The following TICAM1 variants were observed in gnomAD, a reference collection of about 807,000 sequenced individuals.
TICAM1 encodes TIR domain-containing adapter molecule 1.
For missense variants in TICAM1, 895 were observed against 938.2 expected, an observed-to-expected ratio of 0.95 and a Z score of 0.60; for synonymous variants, 439 against 415.4, an observed-to-expected ratio of 1.06 and a Z score of -0.69.
intron 1 of TICAM1, among the ~76,000 whole-genome samples, chr19:4,820,681 G>A (rs951691954): frequency 5.3e-5 from 8 of 151,434 alleles, no homozygotes; most frequent in African/African-American, 1.7e-4. Context: ...TGGCCAACAT[G>A]GTGAAACCCT....
intron 1 of TICAM1, among the ~76,000 whole-genome samples, chr19:4,830,916 C>T (rs544694010): frequency 9.1e-4 from 138 of 152,210 alleles, no homozygotes; most frequent in Middle Eastern, 3.4e-3. Context: ...CAGGACTGCG[C>T]CTGGTGAGCT....
chr19:4,818,486 T>A lies in TICAM1; in HGVS notation c.-109A>T. ...CCAGTGTCCCCTACCCATTCACTGT[T>A]CCAGGTTCTGCAGGAGCTGCCCAAG... is the stretch of plus-strand genomic sequence containing the variant. On this transcript the variant is annotated 5_prime_UTR_variant, in exon 2 of 2. Transcript: ENST00000248244. This position sits in a 1 kb window ranked among gnomAD's most constrained non-coding sequence, Gnocchi z 4.0. 6.9e-7 allele frequency: 1 copy of A among 1,444,796 alleles called. No individual in the cohort carries two copies. The allele number at this position is 1,444,796 out of a possible 1,614,324, so 89.5% of individuals were successfully genotyped here. A position where few individuals can be genotyped will look rare whatever the true frequency, so the allele number is the denominator to read the frequency against.
chr19:4,829,171 T>A (rs2093610234), intron 1 of TICAM1, among the ~76,000 whole-genome samples: 1 of 152,184 alleles, frequency 6.6e-6, no homozygotes, highest in African/African-American at 2.4e-5. Context: ...GGCACACGCA[T>A]GCCCCACAAA....
intron 1 of TICAM1, among the ~76,000 whole-genome samples, chr19:4,824,420 C>T (rs1036570077): frequency 2.0e-5 from 3 of 150,182 alleles, no homozygotes; most frequent in East Asian, 2.0e-4. Flanking sequence ...CTGCAACCTC[C>T]GCCTCCTGGG....
chr19:4,824,221 C>T (rs1247688829), intron 1 of TICAM1, among the ~76,000 whole-genome samples: 1 of 151,962 alleles, frequency 6.6e-6, no homozygotes, highest in African/African-American at 2.4e-5. Flanking sequence ...GTTGGCCAGG[C>T]TGGTCTTGAA....
intron 1 of TICAM1, among the ~76,000 whole-genome samples, chr19:4,819,770 G>T (rs989412867): frequency 6.6e-6 from 1 of 152,138 alleles, no homozygotes; most frequent in African/African-American, 2.4e-5. Context: ...AGCTACTCAG[G>T]AGGCTGAGGC....
In TICAM1 at chr19:4,816,822, A is replaced by T. The variant is rs772590478; in HGVS notation, c.1556T>A (p.Ile519Asn). Residue 519 changes from isoleucine to asparagine, a missense_variant, in exon 2 of 2, where the codon ATC becomes AAC. By Grantham distance (149) the Ile-to-Asn change is moderately radical. Coordinates refer to ENST00000248244, the MANE Select transcript of TICAM1 (RefSeq NM_182919.4). The surrounding 1 kb of genome is among the most constrained non-coding windows in gnomAD (Gnocchi z 4.3). ...GGTGTTGGCCACCTTCCTGGCGAAGATCTGGGAGTGTTCGTCCAGCCGCAC... is the reference window on the plus strand; with the variant it reads ...GGTGTTGGCCACCTTCCTGGCGAAGTTCTGGGAGTGTTCGTCCAGCCGCAC... ...GLVRLDEHSQ[I>N]FARKVANTFK... The T allele has an allele frequency of 3.1e-6, 5 of 1,612,882 alleles. No homozygotes were observed. Among genetic ancestry groups the T allele is most frequent in the East Asian group, 4.5e-5 (2 of 44,860 alleles).
rs777980938 is a variant in TICAM1, at chr19:4,817,991, G to A, written c.387C>T (p.Asp129=). 23 of 1,612,584 alleles carry A rather than the reference G, an allele frequency of 1.4e-5. No individual in the cohort carries two copies. Among genetic ancestry groups the A allele is most frequent in the Non-Finnish European group, 1.7e-5 (20 of 1,179,818 alleles). ...CCTGAAGTTCCCCCAGCCGGTGGTC[G>A]TCCCTGGAGCTGAGGGTGCGGACGG... The part of the protein sequence containing the change: ...QEAVRTLSSR[D]DHRLGELQDE... The change falls in exon 2 of 2, where the codon GAC becomes GAT. Residue 129 remains aspartate, a synonymous_variant. Coordinates refer to ENST00000248244, the MANE Select transcript of TICAM1 (RefSeq NM_182919.4). The surrounding 1 kb of genome is among the most constrained non-coding windows in gnomAD (Gnocchi z 4.7).
intron 1 of TICAM1, among the ~76,000 whole-genome samples, chr19:4,826,401 T>C (rs947657303): frequency 4.6e-5 from 7 of 152,122 alleles, no homozygotes; most frequent in Non-Finnish European, 1.0e-4. Flanking sequence ...CTCGACTCAC[T>C]GCAACCTCTG....
At chr19:4,829,973 G>A (rs112608739) in intron 1 of TICAM1, among the ~76,000 whole-genome samples, 54 of 151,644 alleles carry the variant, frequency 3.6e-4, no homozygotes, top group African/African-American at 1.2e-3. Context: ...ACCACGCCCC[G>A]CTAATTTTTG....
chr19:4,826,020 G>T (rs1203986702), intron 1 of TICAM1, among the ~76,000 whole-genome samples: 1 of 151,264 alleles, frequency 6.6e-6, no homozygotes, highest in Non-Finnish European at 1.5e-5. Flanking sequence ...AATTAGCTGG[G>T]TGTGGTGGTG....
chr19:4,816,395 TG>T lies in TICAM1; in HGVS notation c.1982del (p.Pro661GlnfsTer31). 1 of 1,572,066 alleles carries T rather than the reference TG, an allele frequency of 6.4e-7. No individual in the cohort carries two copies. The highest frequency in any genetic ancestry group is 8.6e-7 in the Non-Finnish European group (1 of 1,162,496). ...FPQSLPFPQS[P>X]AFPTASPAPP... is the part of the protein sequence containing the mutation. ...GTGCGGGTGAGGCCGTAGGGAAGGC[TG>T]GGGACTGCGGGAAGGGCAGTGACTG... is the stretch of plus-strand genomic sequence containing the variant. On this transcript the variant is annotated frameshift_variant, in exon 2 of 2. Coordinates refer to ENST00000248244, the MANE Select transcript of TICAM1 (RefSeq NM_182919.4). LOFTEE classifies it low-confidence loss of function (END_TRUNC). The surrounding 1 kb of genome is among the most constrained non-coding windows in gnomAD (Gnocchi z 4.3).
chr19:4,827,618 T>A (rs2093607778), intron 1 of TICAM1, among the ~76,000 whole-genome samples: 1 of 150,852 alleles, frequency 6.6e-6, no homozygotes, highest in Admixed American at 6.6e-5. Context: ...ATTAGCCAGG[T>A]GTGGTGGCGG....
chr19:4,827,372 C>CAAAAAAAAAAAAAAAAAAAAAAA (rs57574607), intron 1 of TICAM1, among the ~76,000 whole-genome samples: 3 of 54,174 alleles, frequency 5.5e-5, no homozygotes, highest in African/African-American at 2.0e-4. Flanking sequence ...ACTCTGTCTC[C>CAAAAAAAAAAAAAAAAAAAAAAA]AAAAAAAAAA....
rs2093587274 is a variant in TICAM1 at position 4,817,083 on chromosome 19, T to C, written c.1295A>G (p.Gln432Arg). The change falls in exon 2 of 2, where the codon CAG becomes CGG. Residue 432 changes from glutamine to arginine, a missense_variant. Coordinates refer to ENST00000248244, the MANE Select transcript of TICAM1 (RefSeq NM_182919.4). The surrounding 1 kb of genome is among the most constrained non-coding windows in gnomAD (Gnocchi z 4.7). Reference protein sequence around the residue: ...PDGATFCEDFQVPGRGELSCL... With the variant: ...PDGATFCEDFRVPGRGELSCL... ...GCTCAGCTCCCCGCGCCCCGGCACC[T>C]GGAAATCCTCGCAGAAGGTGGCCCC... The C allele has an allele frequency of 6.2e-7, 1 of 1,613,982 alleles. No homozygotes were observed. The highest frequency in any genetic ancestry group is 8.5e-7 in the Non-Finnish European group (1 of 1,180,004).
chr19:4,825,113 C>G (rs892246914), intron 1 of TICAM1, among the ~76,000 whole-genome samples: 1 of 151,872 alleles, frequency 6.6e-6, no homozygotes, highest in Admixed American at 6.6e-5. Context: ...AACCCCGTTT[C>G]TACTAAAATA....
chr19:4,830,511 C>T (rs1240368017), intron 1 of TICAM1, among the ~76,000 whole-genome samples: 2 of 152,164 alleles, frequency 1.3e-5, no homozygotes, highest in Non-Finnish European at 2.9e-5. Flanking sequence ...CACTCTCCTT[C>T]CCACACTCTC....
At chr19:4,827,491 C>T (rs992066546) in intron 1 of TICAM1, among the ~76,000 whole-genome samples, 1 of 114,082 alleles carries the variant, frequency 8.8e-6, no homozygotes, top group Non-Finnish European at 1.8e-5. Context: ...CGCGGTGGCT[C>T]ACGCCTGTAA....
intron 1 of TICAM1, among the ~76,000 whole-genome samples, chr19:4,828,875 G>A (rs1022718138): frequency 6.6e-6 from 1 of 151,862 alleles, no homozygotes. Context: ...GGTAATTTTT[G>A]TATTTTTAGT....
Sources: gnomAD v4.1 joint callset for allele counts (sites outside exome capture counted in the v4.1 genomes callset) on GRCh38, gnomAD v4.1.1 for gene constraint, Gnocchi (gnomAD v3.1) non-coding constraint, MANE v1.5 for transcripts, NCBI Gene and HGNC (gene_info 2026-07-23, HGNC 2026-07-21) for gene names.